The following YARS1 variants were observed in gnomAD, a reference collection of about 807,000 sequenced individuals.
The protein encoded by YARS1 is tyrosyl-tRNA synthetase 1, also known as tyrosine--tRNA ligase, cytoplasmic.
YARS1 carries 36 observed loss-of-function variants against 62.2 expected under a neutral mutation model. That is an observed-to-expected ratio of 0.58 (90% CI 0.44 to 0.76). The LOEUF is 0.76. YARS1 is among the 30% of genes least tolerant of loss of function. The probability of loss-of-function intolerance (pLI) is 0.00; values close to 1 mark genes in which losing one functional copy is unlikely to be tolerated. For missense variants in YARS1, 524 were observed against 639.8 expected, an observed-to-expected ratio of 0.82 and a Z score of 1.95; for synonymous variants, 234 against 244.9, an observed-to-expected ratio of 0.96 and a Z score of 0.42.
intron 4 of YARS1, among the ~76,000 whole-genome samples, chr1:32,804,147 C>T (rs1404777455): frequency 2.0e-5 from 3 of 152,274 alleles, no homozygotes; most frequent in South Asian, 2.1e-4. Flanking sequence ...TCTTTCCACA[C>T]AGACACAGTA....
chr1:32,806,035 T>C (rs1278598902), intron 4 of YARS1, among the ~76,000 whole-genome samples: 1 of 152,182 alleles, frequency 6.6e-6, no homozygotes, highest in Non-Finnish European at 1.5e-5. Flanking sequence ...TGTAGGGTTA[T>C]TAATTAGCCT....
chr1:32,797,568 A>T, intron 5 of YARS1, 195 bp downstream of exon 5: 1 of 610,470 alleles, frequency 1.6e-6, no homozygotes, highest in Non-Finnish European at 2.9e-6. Context: ...TCTGGGTACT[A>T]ATAATTCCTG....
At chr1:32,786,857 G>T (rs1653243781) in intron 7 of YARS1, 83 bp downstream of exon 7, 1 of 1,578,294 alleles carries the variant, frequency 6.3e-7, no homozygotes, top group Non-Finnish European at 8.7e-7. Flanking sequence ...TGAAGGAAGA[G>T]TCTGTGACAA....
chr1:32,792,031 G>A (rs1653427350), intron 5 of YARS1, among the ~76,000 whole-genome samples: 1 of 152,076 alleles, frequency 6.6e-6, no homozygotes, highest in African/African-American at 2.4e-5. Context: ...GGATTGGGAT[G>A]GGTTCCTCAG....
chr1:32,794,041 T>G (rs1382010015), intron 5 of YARS1, among the ~76,000 whole-genome samples: 1 of 152,094 alleles, frequency 6.6e-6, no homozygotes, highest in Non-Finnish European at 1.5e-5. Flanking sequence ...TAGATATAGA[T>G]GAAAAGTGAC....
chr1:32,799,161 T>C (rs112540487), intron 4 of YARS1, among the ~76,000 whole-genome samples: 161 of 152,238 alleles, frequency 1.1e-3, no homozygotes, highest in African/African-American at 3.6e-3. Context: ...GCAGAGGAAA[T>C]AGAATGTGAG....
intron 4 of YARS1, among the ~76,000 whole-genome samples, chr1:32,804,500 C>T (rs945780046): frequency 6.6e-6 from 1 of 151,922 alleles, no homozygotes; most frequent in South Asian, 2.1e-4. Flanking sequence ...GGCGGAGGGG[C>T]TCCTCACTTC....
rs560455238 is a variant in YARS1 at position 32,808,340 on chromosome 1, C to T, written c.381-1729G>A. Reference sequence around the variant, plus strand: ...GTTCAAGCGATTATCCTGCCTCAGCCTCCTGAGTACTGGGATTACAGGCGT... The same window carrying T: ...GTTCAAGCGATTATCCTGCCTCAGCTTCCTGAGTACTGGGATTACAGGCGT... On this transcript the variant is annotated intron_variant, in intron 3 of 12. Transcript: ENST00000373477. 5.9e-5 allele frequency among the ~76,000 whole-genome samples: 9 copies of T among 152,054 alleles called. No individual in the cohort carries two copies. The East Asian group carries it at 1.7e-3, about 29-fold the overall frequency.
intron 10 of YARS1, chr1:32,780,573 GT>G: frequency 2.0e-6 from 1 of 489,048 alleles, no homozygotes; most frequent in East Asian, 4.0e-5. Flanking sequence ...TCTCAGGGTG[GT>G]TTTGGTGGTT....
At chr1:32,807,822 T>C (rs1375792728) in intron 3 of YARS1, among the ~76,000 whole-genome samples, 1 of 152,208 alleles carries the variant, frequency 6.6e-6, no homozygotes, top group Non-Finnish European at 1.5e-5. Flanking sequence ...TGCCATTATC[T>C]CTTGAAACAC....
intron 4 of YARS1, among the ~76,000 whole-genome samples, chr1:32,806,015 T>TA (rs1270039913): frequency 6.6e-6 from 1 of 152,104 alleles, no homozygotes; most frequent in African/African-American, 2.4e-5. Flanking sequence ...TTTCAACACT[T>TA]AGAGGCCATT....
intron 7 of YARS1, 51 bp downstream of exon 7, chr1:32,786,889 C>T (rs575701319): frequency 2.2e-5 from 36 of 1,612,494 alleles, no homozygotes; most frequent in East Asian, 1.8e-4. Context: ...GATCACAGCA[C>T]GAACTTTTCT....
At chr1:32,782,713 A>G (rs1653100688) in intron 8 of YARS1, 174 bp from the exon 9 acceptor site, 1 of 782,230 alleles carries the variant, frequency 1.3e-6, no homozygotes, top group Admixed American at 2.5e-5. Context: ...TAACGTGTCC[A>G]AAATCCAAGT....
In YARS1 at chr1:32,792,895, T is replaced by A. The variant is rs932449183; in HGVS notation, c.592-1641A>T. ...ACTCCATCTCAAAAAAAAATAAAAATAAAAATAAATAAATAAATAAATAAA... is the reference window on the plus strand; with the variant it reads ...ACTCCATCTCAAAAAAAAATAAAAAAAAAAATAAATAAATAAATAAATAAA... On this transcript the variant is annotated intron_variant, in intron 5 of 12. Transcript: ENST00000373477. Among the ~76,000 whole-genome samples the A allele has an allele frequency of 3.1e-4, 45 of 145,298 alleles. 1 individual carries two copies. The highest frequency in any genetic ancestry group is 8.8e-4 in the South Asian group (4 of 4,570).
At chr1:32,813,072 A>C (rs1638622079) in intron 1 of YARS1, among the ~76,000 whole-genome samples, 1 of 151,896 alleles carries the variant, frequency 6.6e-6, no homozygotes. Context: ...ATCAATTGCC[A>C]GTCAGGAAAT....
intron 9 of YARS1, 112 bp downstream of exon 9, chr1:32,782,292 C>T (rs979008926): frequency 1.3e-6 from 2 of 1,570,444 alleles, no homozygotes; most frequent in Non-Finnish European, 1.7e-6. Context: ...GACATTCCTG[C>T]ACTTCAGACC....
intron 5 of YARS1, among the ~76,000 whole-genome samples, chr1:32,794,674 C>G (rs1212350523): frequency 2.0e-5 from 3 of 151,344 alleles, no homozygotes; most frequent in African/African-American, 7.3e-5. Context: ...ACAGGAGTGA[C>G]CCATTGCGCC....
chr1:32,779,886 CA>C (rs1652995179), intron 11 of YARS1, 198 bp downstream of exon 11: 1 of 673,718 alleles, frequency 1.5e-6, no homozygotes, highest in African/African-American at 1.8e-5. Flanking sequence ...TCTATTTTAA[CA>C]AAATTAACTG....
intron 1 of YARS1, among the ~76,000 whole-genome samples, chr1:32,816,382 T>C (rs555394597): frequency 5.9e-5 from 9 of 152,236 alleles, no homozygotes; most frequent in African/African-American, 2.2e-4. Context: ...ATGTATACTA[T>C]GTAGAAACAA....
Sources: gnomAD v4.1 joint callset for allele counts (sites outside exome capture counted in the v4.1 genomes callset) on GRCh38, gnomAD v4.1.1 for gene constraint, MANE v1.5 for transcripts, NCBI Gene and HGNC (gene_info 2026-07-23, HGNC 2026-07-21) for gene names.